TGFA: variants seen among roughly 807,000 people sequenced by gnomAD.
TGFA encodes the protein protransforming growth factor alpha.
A neutral mutation model predicts 21.7 loss-of-function variants in TGFA; 12 were observed. The observed-to-expected ratio is 0.55, with a 90% CI of 0.35 to 0.90. The LOEUF is 0.90. Among genes scored for constraint, TGFA ranks in the 40% least tolerant of loss-of-function variants. The pLI is 0.01. For missense variants in TGFA, 178 were observed against 210.8 expected (o/e 0.84, Z 0.96); for synonymous variants, 79 against 88.1 (o/e 0.90, Z 0.58).
chr2:70,531,765 A>C (rs561004610), intron 1 of TGFA, among the ~76,000 whole-genome samples: 1 of 152,358 alleles, frequency 6.6e-6, no homozygotes, highest in Non-Finnish European at 1.5e-5. Flanking sequence ...GGGTGGAAGG[A>C]AAAAAAGAGG....
chr2:70,549,467 C>T (rs1673419480), intron 1 of TGFA, among the ~76,000 whole-genome samples: 1 of 152,192 alleles, frequency 6.6e-6, no homozygotes, highest in African/African-American at 2.4e-5. Flanking sequence ...GCAAACCTCC[C>T]ACCTACTGAA....
chr2:70,525,854 G>A (rs951718559), intron 1 of TGFA, among the ~76,000 whole-genome samples: 1 of 152,114 alleles, frequency 6.6e-6, no homozygotes, highest in Admixed American at 6.5e-5. Flanking sequence ...AGGACTAGGG[G>A]GCACTACTGG....
intron 1 of TGFA, among the ~76,000 whole-genome samples, chr2:70,516,948 G>A (rs1672298567): frequency 1.3e-5 from 2 of 152,228 alleles, no homozygotes; most frequent in Non-Finnish European, 2.9e-5. Flanking sequence ...CAGTCAGCAT[G>A]GTTCCTGGGC....
At chr2:70,500,043 A>T (rs1173788317) in intron 2 of TGFA, among the ~76,000 whole-genome samples, 2 of 152,224 alleles carry the variant, frequency 1.3e-5, no homozygotes, top group Non-Finnish European at 2.9e-5. Context: ...CAATACAAAC[A>T]TTTATCGATA....
At chr2:70,533,252 C>T (rs1672869648) in intron 1 of TGFA, among the ~76,000 whole-genome samples, 2 of 152,146 alleles carry the variant, frequency 1.3e-5, no homozygotes, top group Admixed American at 1.3e-4. Flanking sequence ...TTCTGAGGTA[C>T]AAGCTGAAAA....
Position 70,460,382 on chromosome 2 carries a change from T to A in TGFA, c.216-3894A>T, listed in dbSNP as rs557250293. On this transcript the variant is annotated intron_variant, in intron 3 of 5. Coordinates refer to ENST00000295400, the MANE Select transcript of TGFA (RefSeq NM_003236.4). ...AAAAGGTTTGGTGACATACTTTTTT[T>A]AAAAAAAAAACTTCCCAAGCTTCTA... is the stretch of plus-strand genomic sequence containing the variant. 6.2e-3 allele frequency among the ~76,000 whole-genome samples: 935 copies of A among 150,856 alleles called. 11 individuals are homozygous for A. Among genetic ancestry groups the A allele is most frequent in the African/African-American group, 0.019 (793 of 41,150 alleles).
rs1439977434 is a variant in TGFA at position 70,553,339 on chromosome 2, C to T, written c.40+389G>A. 8.7e-6 allele frequency: 13 copies of T among 1,496,108 alleles called. No individual in the cohort carries two copies. The South Asian group carries it at 1.5e-4, about 18-fold the overall frequency. The allele number at this position is 1,496,108 out of a possible 1,614,324, so 92.7% of individuals were successfully genotyped here. ...TTAGACGCCGGCCCCCGTTCCGAGG[C>T]GGCCCAGTCTACACGCCAGCGACGC... On this transcript the variant is annotated intron_variant, in intron 1 of 5. Transcript: ENST00000295400.
chr2:70,493,537 A>T (rs1056466416), intron 2 of TGFA, among the ~76,000 whole-genome samples: 5 of 152,166 alleles, frequency 3.3e-5, no homozygotes, highest in African/African-American at 4.8e-5. Context: ...GTTTGCCTCC[A>T]CAGTACCCTC....
chr2:70,502,792 T>C (rs969161455), intron 2 of TGFA, among the ~76,000 whole-genome samples: 5 of 152,260 alleles, frequency 3.3e-5, no homozygotes, highest in Non-Finnish European at 4.4e-5. Context: ...TCTGTCTTTG[T>C]AAATCTAAAT....
At chr2:70,538,559 A>G (rs1553504779) in intron 1 of TGFA, among the ~76,000 whole-genome samples, 1 of 152,216 alleles carries the variant, frequency 6.6e-6, no homozygotes, top group Non-Finnish European at 1.5e-5. Flanking sequence ...GAGGGGTTTG[A>G]GACTTCAATG....
At chr2:70,454,540 C>T (rs1424403504) in intron 4 of TGFA, among the ~76,000 whole-genome samples, 3 of 152,214 alleles carry the variant, frequency 2.0e-5, no homozygotes, top group Admixed American at 2.0e-4. Flanking sequence ...TACTTTCTCA[C>T]AGTCAGCCAG....
At position 70,534,927 on chromosome 2, in the gene TGFA, A is replaced by C. The variant is rs146370944; in HGVS notation, c.40+18801T>G. ...AGGCTGATATGGAGAGTCAGAATGGAAGCAGCATGGCTAGGATGGCAGGCA... is the reference window on the plus strand; with the variant it reads ...AGGCTGATATGGAGAGTCAGAATGGCAGCAGCATGGCTAGGATGGCAGGCA... On this transcript the variant is annotated intron_variant, in intron 1 of 5. Transcript: ENST00000295400. 5.4e-3 allele frequency among the ~76,000 whole-genome samples: 824 copies of C among 152,302 alleles called. 6 individuals carry two copies. The highest frequency in any genetic ancestry group is 0.018 in the African/African-American group (766 of 41,558).
In TGFA at chr2:70,448,694, G is replaced by C. The variant is rs888335286; in HGVS notation, c.*2165C>G. 1.3e-5 allele frequency: 2 copies of C among 152,188 alleles called. No homozygotes were observed. Among genetic ancestry groups the C allele is most frequent in the Admixed American group, 1.3e-4 (2 of 15,286 alleles). 9.4% of individuals were successfully genotyped at this position (152,188 alleles called of 1,614,324 possible). A position where few individuals can be genotyped will look rare whatever the true frequency, so the allele number is the denominator to read the frequency against. On this transcript the variant is annotated 3_prime_UTR_variant, in exon 6 of 6. Coordinates refer to ENST00000295400, the MANE Select transcript of TGFA (RefSeq NM_003236.4). ...TTGCATTGATGCAGCCTCTTTTTCA[G>C]ACCTGCTGGTTTCCAAAGGACTGAC...
chr2:70,494,033 G>A (rs1465383084), intron 2 of TGFA, among the ~76,000 whole-genome samples: 1 of 151,198 alleles, frequency 6.6e-6, no homozygotes, highest in Non-Finnish European at 1.5e-5. Flanking sequence ...TAAACTCAAA[G>A]TGTCATCACC....
intron 2 of TGFA, among the ~76,000 whole-genome samples, chr2:70,470,254 T>G (rs1553492993): frequency 6.6e-6 from 1 of 151,560 alleles, no homozygotes; most frequent in Non-Finnish European, 1.5e-5. Flanking sequence ...CAAAGGAAAG[T>G]AAGGGTAAGG....
chr2:70,481,870 T>A (rs1380364182), intron 2 of TGFA, among the ~76,000 whole-genome samples: 1 of 152,180 alleles, frequency 6.6e-6, no homozygotes, highest in Non-Finnish European at 1.5e-5. Context: ...AGCCTTCAGA[T>A]GACAGTGCAG....
At chr2:70,544,827 T>G (rs1180020410) in intron 1 of TGFA, among the ~76,000 whole-genome samples, 2 of 152,184 alleles carry the variant, frequency 1.3e-5, no homozygotes, top group Non-Finnish European at 2.9e-5. Flanking sequence ...TGAAAACAAT[T>G]GAACTCATGG....
chr2:70,455,923 A>G (rs1262935146), intron 4 of TGFA, among the ~76,000 whole-genome samples: 4 of 152,206 alleles, frequency 2.6e-5, no homozygotes, highest in Non-Finnish European at 5.9e-5. Flanking sequence ...TAACAGCAAC[A>G]ATGGCCCTCG....
At chr2:70,527,955 G>C (rs1367876226) in intron 1 of TGFA, among the ~76,000 whole-genome samples, 9 of 152,230 alleles carry the variant, frequency 5.9e-5, no homozygotes, top group African/African-American at 2.2e-4. Context: ...AAATGCAGAG[G>C]AGACACTGCT....
Sources: allele counts gnomAD v4.1 joint callset (sites outside exome capture counted in the v4.1 genomes callset), GRCh38; gene constraint gnomAD v4.1.1; transcripts MANE v1.5; gene names NCBI Gene and HGNC (gene_info 2026-07-23, HGNC 2026-07-21).